Variants in POC1A observed in about 807,000 individuals in gnomAD.
The protein encoded by POC1A is POC1 centriolar protein A.
POC1A carries 34 observed loss-of-function variants against 47.8 expected under a neutral mutation model. The observed-to-expected ratio is 0.71, with a 90% confidence interval of 0.54 to 0.95. POC1A has a LOEUF of 0.95. Ranked by LOEUF, POC1A falls within the 40% of genes least tolerant of loss-of-function variation. The pLI is 0.00. For synonymous variants in POC1A, 177 were observed against 207.6 expected (o/e 0.85, Z 1.27); for missense variants, 466 against 528.3 (o/e 0.88, Z 1.16).
At chr3:52,113,722 AAAAC>A (rs1442459098) in intron 9 of POC1A, among the ~76,000 whole-genome samples, 3 of 152,208 alleles carry the variant, frequency 2.0e-5, no homozygotes, top group African/African-American at 7.2e-5. Flanking sequence ...AACAAACAAA[AAAAC>A]AAAACAAAAA....
At chr3:52,081,070 CCAG>C (rs539566888) in intron 10 of POC1A, among the ~76,000 whole-genome samples, 264 of 152,346 alleles carry the variant, frequency 1.7e-3, no homozygotes, top group African/African-American at 6.1e-3. Flanking sequence ...TACTCTGTTA[CCAG>C]CAATTTCCTG....
At chr3:52,150,750 G>A (rs1698529433) in intron 2 of POC1A, among the ~76,000 whole-genome samples, 1 of 152,152 alleles carries the variant, frequency 6.6e-6, no homozygotes, top group Admixed American at 6.5e-5. Context: ...AGGGTGTGCA[G>A]AAAAGACCCA....
chr3:52,139,480 A>G (rs1035704069), intron 6 of POC1A, among the ~76,000 whole-genome samples: 2 of 152,056 alleles, frequency 1.3e-5, no homozygotes, highest in Non-Finnish European at 2.9e-5. Context: ...CTTGTTTCCA[A>G]TGGGCCTGGG....
intron 3 of POC1A, 24 bp downstream of exon 3, chr3:52,149,792 G>C: frequency 6.2e-7 from 1 of 1,602,448 alleles, no homozygotes; most frequent in Non-Finnish European, 8.5e-7. Context: ...ACTCCAACAA[G>C]CCTCCTCAAA....
intron 9 of POC1A, among the ~76,000 whole-genome samples, chr3:52,110,905 A>T (rs1703357214): frequency 6.6e-6 from 1 of 152,232 alleles, no homozygotes. Context: ...GGAAAACCCA[A>T]AACAGTTCTG....
chr3:52,100,966 A>G (rs981704365), intron 9 of POC1A, among the ~76,000 whole-genome samples: 7 of 151,976 alleles, frequency 4.6e-5, no homozygotes, highest in Non-Finnish European at 8.8e-5. Context: ...GAGATTATCA[A>G]GGTCTCCTTT....
At chr3:52,094,185 A>T (rs1702732843) in intron 10 of POC1A, among the ~76,000 whole-genome samples, 1 of 152,142 alleles carries the variant, frequency 6.6e-6, no homozygotes, top group African/African-American at 2.4e-5. Flanking sequence ...TGGGCATCCT[A>T]CCCCTCCAGA....
chr3:52,115,304 T>C (rs1577863830), intron 9 of POC1A, among the ~76,000 whole-genome samples: 1 of 152,044 alleles, frequency 6.6e-6, no homozygotes, highest in Admixed American at 6.6e-5. Context: ...TTGAAAAAAT[T>C]AGGTGCCAGG....
intron 7 of POC1A, among the ~76,000 whole-genome samples, chr3:52,129,447 T>C (rs1704130797): frequency 6.6e-6 from 1 of 152,206 alleles, no homozygotes; most frequent in Non-Finnish European, 1.5e-5. Context: ...GGGTATCCAC[T>C]TGGGGCAGGG....
At position 52,084,104 on chromosome 3, in the gene POC1A, C is replaced by T. The variant is rs940854913; in HGVS notation, c.1126-8119G>A. 7.2e-5 allele frequency among the ~76,000 whole-genome samples: 11 copies of T among 152,302 alleles called. No individual in the cohort carries two copies. Among genetic ancestry groups the T allele is most frequent in the African/African-American group, 2.2e-4 (9 of 41,566 alleles). On this transcript the variant is annotated intron_variant, in intron 10 of 10. Coordinates refer to ENST00000296484, the MANE Select transcript of POC1A (RefSeq NM_015426.5). This position sits in a 1 kb window ranked among gnomAD's most constrained non-coding sequence, Gnocchi z 4.3. The stretch of plus-strand genomic sequence containing the variant: ...ACGTGCCTGTGGCCAGTTTGTAGAA[C>T]GCTGGTTCCAGAATAAACTCTGGGA...
intron 6 of POC1A, among the ~76,000 whole-genome samples, chr3:52,138,751 G>C (rs1219020286): frequency 6.6e-6 from 1 of 152,186 alleles, no homozygotes; most frequent in Non-Finnish European, 1.5e-5. Context: ...GGACGTGTGT[G>C]GGGGCAGACG....
chr3:52,119,223 C>T (rs1703679139), intron 9 of POC1A, among the ~76,000 whole-genome samples: 2 of 152,040 alleles, frequency 1.3e-5, no homozygotes, highest in South Asian at 4.1e-4. Flanking sequence ...ACCTCATCCC[C>T]GTGCTCCTCC....
At chr3:52,088,716 C>T (rs1702544137) in intron 10 of POC1A, among the ~76,000 whole-genome samples, 1 of 151,978 alleles carries the variant, frequency 6.6e-6, no homozygotes. Context: ...GCCCAGGTCC[C>T]CGAGGAGCAA....
intron 10 of POC1A, among the ~76,000 whole-genome samples, chr3:52,083,841 T>C (rs1024018970): frequency 1.3e-5 from 2 of 152,224 alleles, no homozygotes; most frequent in African/African-American, 4.8e-5. Context: ...CAACACAGGA[T>C]GAGCCAATGC....
At chr3:52,096,378 C>T (rs1702813855) in intron 10 of POC1A, among the ~76,000 whole-genome samples, 191 bp downstream of exon 10, 1 of 152,248 alleles carries the variant, frequency 6.6e-6, no homozygotes, top group Non-Finnish European at 1.5e-5. Context: ...AGTGGTCTGG[C>T]CAGGGCTTGA....
chr3:52,107,486 T>C (rs1371130557), intron 9 of POC1A, among the ~76,000 whole-genome samples: 1 of 152,220 alleles, frequency 6.6e-6, no homozygotes, highest in Non-Finnish European at 1.5e-5. Flanking sequence ...TGTGGGAGCA[T>C]TCTCTCTCAA....
At chr3:52,091,335 A>G (rs539910249) in intron 10 of POC1A, among the ~76,000 whole-genome samples, 1 of 152,362 alleles carries the variant, frequency 6.6e-6, no homozygotes, top group Non-Finnish European at 1.5e-5. Context: ...TCAAGGAACA[A>G]AAAGCCCTCC....
intron 9 of POC1A, among the ~76,000 whole-genome samples, chr3:52,119,687 T>C (rs943538246): frequency 1.3e-5 from 2 of 152,170 alleles, no homozygotes; most frequent in African/African-American, 4.8e-5. Flanking sequence ...TGGGCCACCA[T>C]GCCTGGCCTA....
chr3:52,138,484 C>T (rs999787879), intron 6 of POC1A, among the ~76,000 whole-genome samples, 182 bp from the exon 7 acceptor site: 15 of 152,056 alleles, frequency 9.9e-5, no homozygotes, highest in Non-Finnish European at 2.1e-4. Context: ...GGGGCACAAT[C>T]GAAGAACAGG....
Sources: gnomAD v4.1 joint callset for allele counts (sites outside exome capture counted in the v4.1 genomes callset) on GRCh38, gnomAD v4.1.1 for gene constraint, Gnocchi (gnomAD v3.1) non-coding constraint, MANE v1.5 for transcripts, NCBI Gene and HGNC (gene_info 2026-07-23, HGNC 2026-07-21) for gene names.